Variants in ALK observed in about 807,000 individuals in gnomAD.
The protein encoded by ALK is ALK tyrosine kinase receptor.
In ALK, 74 loss-of-function variants were observed where a neutral mutation model predicts 163.1. That is an observed-to-expected ratio of 0.45 (90% CI 0.38 to 0.55). ALK has a LOEUF of 0.55. ALK is among the 20% of genes least tolerant of loss of function. The pLI, the probability that ALK is intolerant of heterozygous loss-of-function variation, is 0.00. For synonymous variants in ALK, 960 were observed against 843.2 expected (o/e 1.14, Z -2.40); for missense variants, 2,063 against 2,105.3 (o/e 0.98, Z 0.39).
chr2:29,396,836 GTTTT>G (rs10654058), intron 4 of ALK, among the ~76,000 whole-genome samples: 6 of 46,616 alleles, frequency 1.3e-4, no homozygotes, highest in South Asian at 1.5e-3. Context: ...TGTTACTATG[GTTTT>G]TTTTTTTTTT....
intron 4 of ALK, among the ~76,000 whole-genome samples, chr2:29,434,995 C>A (rs1349899819): frequency 6.6e-6 from 1 of 152,156 alleles, no homozygotes; most frequent in East Asian, 1.9e-4. Context: ...CAAGGTTACA[C>A]AATTATTTAA....
intron 26 of ALK, among the ~76,000 whole-genome samples, chr2:29,203,677 G>A (rs557306101): frequency 1.1e-3 from 173 of 151,188 alleles, no homozygotes; most frequent in African/African-American, 4.0e-3. Flanking sequence ...AGTAGAGACG[G>A]GTTTCACCAT....
At chr2:29,326,421 T>C (rs1667263316) in intron 6 of ALK, among the ~76,000 whole-genome samples, 1 of 152,098 alleles carries the variant, frequency 6.6e-6, no homozygotes, top group Non-Finnish European at 1.5e-5. Flanking sequence ...AGCTGGGAAG[T>C]AGGTATCAAA....
At chr2:29,327,403 G>A (rs1667299065) in intron 6 of ALK, among the ~76,000 whole-genome samples, 1 of 152,120 alleles carries the variant, frequency 6.6e-6, no homozygotes, top group Non-Finnish European at 1.5e-5. Flanking sequence ...AAAACATAAT[G>A]GATGCATGCC....
At chr2:29,382,319 A>G (rs1668919582) in intron 5 of ALK, among the ~76,000 whole-genome samples, 1 of 152,196 alleles carries the variant, frequency 6.6e-6, no homozygotes, top group Non-Finnish European at 1.5e-5. Context: ...GAACAGACTC[A>G]CTGCGAATGC....
At chr2:29,645,902 C>T (rs939581956) in intron 3 of ALK, among the ~76,000 whole-genome samples, 4 of 152,120 alleles carry the variant, frequency 2.6e-5, no homozygotes, top group Admixed American at 1.3e-4. Flanking sequence ...ATTGGAGTTC[C>T]ATGGGGACCA....
chr2:29,424,279 T>C (rs186733695), intron 4 of ALK, among the ~76,000 whole-genome samples: 1 of 152,292 alleles, frequency 6.6e-6, no homozygotes, highest in Admixed American at 6.5e-5. Flanking sequence ...AACAATACAA[T>C]ATCAAAGATG....
chr2:29,717,188 A>AG (rs386389828), intron 2 of ALK, among the ~76,000 whole-genome samples: 2 of 149,162 alleles, frequency 1.3e-5, no homozygotes, highest in African/African-American at 5.0e-5. Context: ...AAAAAAAAAA[A>AG]AAGAGAGAGA....
At chr2:29,852,441 A>T (rs62129766) in intron 1 of ALK, among the ~76,000 whole-genome samples, 38,910 of 152,178 alleles carry the variant, frequency 0.26, 6,059 homozygotes, top group East Asian at 0.58. Flanking sequence ...CCTACAAGTA[A>T]GACAGTTGCT....
At chr2:29,710,118 T>A (rs1209801035) in intron 2 of ALK, among the ~76,000 whole-genome samples, 1 of 152,148 alleles carries the variant, frequency 6.6e-6, no homozygotes, top group Non-Finnish European at 1.5e-5. Context: ...CTGATAGTTT[T>A]ATAATGTGGA....
chr2:29,805,575 T>C (rs1260370795), intron 1 of ALK, among the ~76,000 whole-genome samples: 2 of 152,208 alleles, frequency 1.3e-5, no homozygotes, highest in African/African-American at 2.4e-5. Flanking sequence ...CTTCCACTTA[T>C]AGGTGGGAGC....
At chr2:29,213,179 C>G (rs1669509214) in intron 24 of ALK, among the ~76,000 whole-genome samples, 1 of 152,284 alleles carries the variant, frequency 6.6e-6, no homozygotes, top group Non-Finnish European at 1.5e-5. Context: ...GCCTGATGAT[C>G]TGTTTTACTT....
chr2:29,359,046 C>A (rs575828282), intron 5 of ALK, among the ~76,000 whole-genome samples: 3 of 151,474 alleles, frequency 2.0e-5, no homozygotes, highest in Non-Finnish European at 2.9e-5. Flanking sequence ...CCGTGTTGTG[C>A]ATTACAACAA....
At chr2:29,506,238 T>A (rs1160221514) in intron 4 of ALK, among the ~76,000 whole-genome samples, 1 of 152,216 alleles carries the variant, frequency 6.6e-6, no homozygotes, top group Non-Finnish European at 1.5e-5. Flanking sequence ...CTTTTTCCAA[T>A]TCTGCATGGT....
intron 1 of ALK, among the ~76,000 whole-genome samples, chr2:29,718,742 A>G (rs541616800): frequency 6.6e-6 from 1 of 152,314 alleles, no homozygotes; most frequent in South Asian, 2.1e-4. Flanking sequence ...GGAAGCAGAA[A>G]CTGAGCCCAG....
chr2:29,447,560 A>G (rs1442069537), intron 4 of ALK, among the ~76,000 whole-genome samples: 1 of 152,224 alleles, frequency 6.6e-6, no homozygotes, highest in Non-Finnish European at 1.5e-5. Flanking sequence ...GAGCACGCAT[A>G]AAAGATAAGA....
chr2:29,456,095 T>C (rs1329286293), intron 4 of ALK, among the ~76,000 whole-genome samples: 1 of 152,058 alleles, frequency 6.6e-6, no homozygotes, highest in Non-Finnish European at 1.5e-5. Flanking sequence ...GGAGGAGAAA[T>C]TGGAACCCTC....
At chr2:29,699,464 T>C (rs917413023) in intron 2 of ALK, among the ~76,000 whole-genome samples, 1 of 152,226 alleles carries the variant, frequency 6.6e-6, no homozygotes, top group African/African-American at 2.4e-5. Flanking sequence ...ATATCCAGTG[T>C]TGTTCATCTC....
chr2:29,421,629 A>C (rs976143727), intron 4 of ALK, among the ~76,000 whole-genome samples: 7 of 150,938 alleles, frequency 4.6e-5, no homozygotes, highest in Admixed American at 2.0e-4. Context: ...CTGACTCCCT[A>C]CTCCCACCAG....
Sources: allele counts gnomAD v4.1 joint callset (sites outside exome capture counted in the v4.1 genomes callset), GRCh38; gene constraint gnomAD v4.1.1; transcripts MANE v1.5; gene names NCBI Gene and HGNC (gene_info 2026-07-23, HGNC 2026-07-21).